Variants in WWC1 observed in about 807,000 individuals in gnomAD.
WWC1 encodes protein KIBRA.
WWC1 carries 55 observed loss-of-function variants against 138.4 expected under a neutral mutation model. The ratio of observed to expected loss-of-function variants is 0.40; its 90% confidence interval spans 0.32 to 0.50. The LOEUF is 0.50. Ranked by LOEUF, WWC1 falls within the 20% of genes least tolerant of loss-of-function variation. The pLI is 0.72. For synonymous variants in WWC1, 524 were observed against 564.9 expected (o/e 0.93, Z 1.03); for missense variants, 1,226 against 1,420.4 (o/e 0.86, Z 2.20).
intron 5 of WWC1, among the ~76,000 whole-genome samples, chr5:168,403,172 A>T (rs1331883641): frequency 6.6e-6 from 1 of 151,202 alleles, no homozygotes; most frequent in Admixed American, 6.6e-5. Flanking sequence ...ATCTCAGTTC[A>T]CTGCAACCTC....
intron 1 of WWC1, among the ~76,000 whole-genome samples, chr5:168,339,742 A>G (rs774939183): frequency 9.9e-5 from 15 of 152,208 alleles, no homozygotes; most frequent in Non-Finnish European, 2.1e-4. Flanking sequence ...AACACTTGAC[A>G]GATAATAGTA....
chr5:168,444,805 T>A (rs1755090316), intron 17 of WWC1, among the ~76,000 whole-genome samples: 1 of 151,648 alleles, frequency 6.6e-6, no homozygotes, highest in Non-Finnish European at 1.5e-5. Context: ...ATGAATCACC[T>A]ATGCTAGTTC....
At chr5:168,392,304 A>G (rs935201535) in intron 3 of WWC1, among the ~76,000 whole-genome samples, 8 of 152,130 alleles carry the variant, frequency 5.3e-5, no homozygotes, top group African/African-American at 1.7e-4. Context: ...AGAGAACTCT[A>G]CTGGAAATCT....
At chr5:168,405,512 A>T (rs547196782) in intron 5 of WWC1, among the ~76,000 whole-genome samples, 4 of 152,252 alleles carry the variant, frequency 2.6e-5, no homozygotes, top group African/African-American at 9.6e-5. Context: ...ATAAATTATC[A>T]CACAATGTAA....
At chr5:168,340,530 T>C (rs1050685969) in intron 1 of WWC1, among the ~76,000 whole-genome samples, 2 of 151,632 alleles carry the variant, frequency 1.3e-5, no homozygotes, top group Middle Eastern at 3.2e-3. Flanking sequence ...TAATATACTT[T>C]CTGCCTCTAT....
intron 14 of WWC1, among the ~76,000 whole-genome samples, chr5:168,430,884 A>G (rs938538722): frequency 1.3e-5 from 2 of 152,184 alleles, no homozygotes; most frequent in African/African-American, 4.8e-5. Context: ...GGAAGAAGAA[A>G]GGGCAGGAAG....
chr5:168,408,403 T>G, intron 6 of WWC1, 104 bp from the exon 7 acceptor site: 1 of 1,365,866 alleles, frequency 7.3e-7, no homozygotes, highest in Non-Finnish European at 1.0e-6. Context: ...AGGGCACAGG[T>G]TCCTAAATTA....
At chr5:168,307,752 C>A (rs986165839) in intron 1 of WWC1, among the ~76,000 whole-genome samples, 1 of 151,798 alleles carries the variant, frequency 6.6e-6, no homozygotes, top group African/African-American at 2.4e-5. Flanking sequence ...CTACAGGTGC[C>A]TGCCACCACA....
chr5:168,465,789 C>T (rs1439538167), intron 21 of WWC1, among the ~76,000 whole-genome samples: 2 of 152,054 alleles, frequency 1.3e-5, no homozygotes, highest in Non-Finnish European at 2.9e-5. Context: ...AACTCCTGGG[C>T]TCAAACATTC....
At chr5:168,331,921 G>A (rs1450718056) in intron 1 of WWC1, among the ~76,000 whole-genome samples, 1 of 152,100 alleles carries the variant, frequency 6.6e-6, no homozygotes, top group Non-Finnish European at 1.5e-5. Flanking sequence ...CAAGGCGGGT[G>A]GATCACTTGA....
At chr5:168,316,510 T>G (rs1396692955) in intron 1 of WWC1, 1 of 152,222 alleles carries the variant, frequency 6.6e-6, no homozygotes, top group African/African-American at 2.4e-5. Context: ...CTAGCGAGAC[T>G]CTAGGGTCAG....
At chr5:168,452,541 A>T (rs1755926043) in intron 17 of WWC1, among the ~76,000 whole-genome samples, 1 of 152,212 alleles carries the variant, frequency 6.6e-6, no homozygotes, top group African/African-American at 2.4e-5. Context: ...TGACACCTTG[A>T]GCATGGATTT....
At chr5:168,299,933 G>A (rs1296669811) in intron 1 of WWC1, among the ~76,000 whole-genome samples, 1 of 152,180 alleles carries the variant, frequency 6.6e-6, no homozygotes, top group Admixed American at 6.5e-5. Context: ...AGGCTCTGCA[G>A]CCTCCAGTTC....
chr5:168,349,626 T>C (rs1388036341), intron 1 of WWC1, among the ~76,000 whole-genome samples: 2 of 152,150 alleles, frequency 1.3e-5, no homozygotes, highest in Non-Finnish European at 2.9e-5. Context: ...GGTACCTACA[T>C]TGTGGTCTGC....
At chr5:168,408,689 C>T (rs1247256953) in intron 7 of WWC1, 36 bp downstream of exon 7, 2 of 1,610,350 alleles carry the variant, frequency 1.2e-6, no homozygotes, top group African/African-American at 2.7e-5. Flanking sequence ...GGGCCTTCCA[C>T]AGGATGGCAG....
At chr5:168,399,456 C>T in intron 4 of WWC1, 32 bp from the exon 5 acceptor site, 1 of 1,613,140 alleles carries the variant, frequency 6.2e-7, no homozygotes, top group African/African-American at 1.3e-5. Context: ...CAGCCTCTGA[C>T]CCAGCCCTGT....
In WWC1 at chr5:168,292,331, C is replaced by T. The variant is rs1383525001; in HGVS notation, c.119+60C>T. On this transcript the variant is annotated intron_variant, in intron 1 of 22. Coordinates refer to ENST00000265293, the MANE Select transcript of WWC1 (RefSeq NM_015238.3). This position sits in a 1 kb window ranked among gnomAD's most constrained non-coding sequence, Gnocchi z 4.4. ...CCCCCGCCTGGGCCCCCACCTGCCCCTGGAGCCGCCGGCCGGGACTGGGAG... is the reference window on the plus strand; with the variant it reads ...CCCCCGCCTGGGCCCCCACCTGCCCTTGGAGCCGCCGGCCGGGACTGGGAG... The T allele has an allele frequency of 2.0e-6, 3 of 1,528,088 alleles. No individual in the cohort carries two copies. The highest frequency in any genetic ancestry group is 2.6e-6 in the Non-Finnish European group (3 of 1,136,012). The allele number at this position is 1,528,088 out of a possible 1,614,324, so 94.7% of individuals were successfully genotyped here. A position where few individuals can be genotyped will look rare whatever the true frequency, so the allele number is the denominator to read the frequency against.
At chr5:168,429,071 T>C (rs1284734793) in intron 13 of WWC1, among the ~76,000 whole-genome samples, 3 of 152,114 alleles carry the variant, frequency 2.0e-5, no homozygotes, top group African/African-American at 7.2e-5. Flanking sequence ...GAGCCAGGAC[T>C]GGGACTGAGA....
At chr5:168,448,133 G>C (rs981699871) in intron 17 of WWC1, among the ~76,000 whole-genome samples, 4 of 152,074 alleles carry the variant, frequency 2.6e-5, no homozygotes, top group African/African-American at 9.7e-5. Flanking sequence ...TCTTACAAAG[G>C]GGGCTGGGGA....
Sources: allele counts gnomAD v4.1 joint callset (sites outside exome capture counted in the v4.1 genomes callset), GRCh38; gene constraint gnomAD v4.1.1; non-coding constraint Gnocchi (gnomAD v3.1); transcripts MANE v1.5; gene names NCBI Gene and HGNC (gene_info 2026-07-23, HGNC 2026-07-21).